Variants in KAT6B observed in about 807,000 individuals in gnomAD.
The protein encoded by KAT6B is histone acetyltransferase KAT6B.
A neutral mutation model predicts 187.5 loss-of-function variants in KAT6B; 10 were observed. The observed-to-expected ratio is 0.05, with a 90% CI of 0.03 to 0.09. The LOEUF (loss-of-function observed/expected upper bound fraction) is 0.09. Ranked by LOEUF, KAT6B falls within the 10% of genes least tolerant of loss-of-function variation. The pLI, the probability that KAT6B is intolerant of heterozygous loss-of-function variation, is 1.00. For missense variants in KAT6B, 1,952 were observed against 2,558.9 expected (o/e 0.76, Z 5.12); for synonymous variants, 861 against 926.8 (o/e 0.93, Z 1.29).
chr10:74,862,827 A>C (rs1843278261), intron 3 of KAT6B, among the ~76,000 whole-genome samples: 1 of 152,148 alleles, frequency 6.6e-6, no homozygotes, highest in African/African-American at 2.4e-5. Context: ...CCTCAGCCTC[A>C]ACAGAAAGGT....
At chr10:75,028,467 C>T (rs554385075) in intron 17 of KAT6B, 22 bp from the exon 18 acceptor site, 1 of 1,612,708 alleles carries the variant, frequency 6.2e-7, no homozygotes, top group South Asian at 1.1e-5. Flanking sequence ...TTTTTCCTTC[C>T]CGTTTTTGTC....
chr10:75,015,288 T>G (rs1381737216), intron 13 of KAT6B, among the ~76,000 whole-genome samples: 1 of 152,192 alleles, frequency 6.6e-6, no homozygotes, highest in Non-Finnish European at 1.5e-5. Context: ...ATTCAAAATT[T>G]CCGTCTTTGC....
chr10:74,889,395 C>T (rs911585015), intron 3 of KAT6B, among the ~76,000 whole-genome samples: 1 of 152,092 alleles, frequency 6.6e-6, no homozygotes, highest in South Asian at 2.1e-4. Flanking sequence ...GTTGATAGAG[C>T]GTTCAGCTTC....
At chr10:74,982,058 T>A in intron 11 of KAT6B, 130 bp downstream of exon 11, 2 of 777,656 alleles carry the variant, frequency 2.6e-6, no homozygotes, top group Non-Finnish European at 4.4e-6. Flanking sequence ...GACTGCCCTT[T>A]AAAACATCTC....
rs770545156 is a variant in KAT6B, at chr10:74,842,966, A to G, written c.109A>G (p.Ser37Gly). ...PSEERICHAV[S>G]TSHGLDKKTV... ...TGAAGAGAGAATCTGCCATGCGGTC[A>G]GTACTTCCCATGGGTTGGATAAGAA... is the stretch of plus-strand genomic sequence containing the variant. The change falls in exon 3 of 18, where the codon AGT (serine) becomes GGT (glycine). Residue 37 changes from serine to glycine, a missense_variant. By Grantham distance (56) the Ser-to-Gly change is moderately conservative. Coordinates refer to ENST00000287239, the MANE Select transcript of KAT6B (RefSeq NM_012330.4). The G allele has an allele frequency of 2.0e-5, 32 of 1,614,136 alleles. No individual in the cohort carries two copies. The highest frequency in any genetic ancestry group is 2.2e-5 in the Non-Finnish European group (26 of 1,180,052).
At chr10:74,830,521 A>G (rs1298628052) in intron 1 of KAT6B, among the ~76,000 whole-genome samples, 1 of 151,604 alleles carries the variant, frequency 6.6e-6, no homozygotes, top group Non-Finnish European at 1.5e-5. Context: ...GATGAATTGT[A>G]TGGTCACCTA....
At chr10:74,844,212 T>C (rs573467351) in intron 3 of KAT6B, among the ~76,000 whole-genome samples, 113 of 151,592 alleles carry the variant, frequency 7.5e-4, no homozygotes, top group Non-Finnish European at 7.5e-4. Context: ...ATGCTTTTTT[T>C]TTTGAGATGG....
intron 3 of KAT6B, among the ~76,000 whole-genome samples, chr10:74,901,733 A>C (rs1054277305): frequency 6.6e-6 from 1 of 152,134 alleles, no homozygotes; most frequent in Admixed American, 6.6e-5. Context: ...GGTTGGAGAG[A>C]TTCAGAGATT....
chr10:74,837,267 C>A (rs965752036), intron 1 of KAT6B, among the ~76,000 whole-genome samples: 1 of 151,758 alleles, frequency 6.6e-6, no homozygotes, highest in African/African-American at 2.4e-5. Flanking sequence ...ATTATAAGAC[C>A]GTATGATACA....
intron 3 of KAT6B, among the ~76,000 whole-genome samples, chr10:74,943,485 G>A (rs939085549): frequency 1.3e-5 from 2 of 152,072 alleles, no homozygotes; most frequent in African/African-American, 4.8e-5. Flanking sequence ...TGTGACAAAG[G>A]ATTTGAAATA....
At chr10:74,985,821 C>T (rs1433866562) in intron 12 of KAT6B, among the ~76,000 whole-genome samples, 1 of 152,016 alleles carries the variant, frequency 6.6e-6, no homozygotes, top group African/African-American at 2.4e-5. Flanking sequence ...CCGGGGTGGG[C>T]GGATCATGAG....
chr10:74,988,795 A>G (rs1842960964), intron 12 of KAT6B, among the ~76,000 whole-genome samples: 1 of 152,198 alleles, frequency 6.6e-6, no homozygotes, highest in Admixed American at 6.5e-5. Context: ...ATTTTATGGC[A>G]CTGACTTTCA....
At chr10:74,933,461 T>C (rs1393689216) in intron 3 of KAT6B, among the ~76,000 whole-genome samples, 1 of 152,260 alleles carries the variant, frequency 6.6e-6, no homozygotes, top group Admixed American at 6.5e-5. Flanking sequence ...AACTGCAAGA[T>C]AGATGTTCAG....
Position 74,977,244 on chromosome 10 carries a change from A to G in KAT6B, c.1994-72A>G. The G allele has an allele frequency of 3.8e-6, 6 of 1,567,856 alleles. No individual in the cohort carries two copies. The South Asian group carries it at 6.8e-5, about 18-fold the overall frequency. ...TTGCCCAGTATGCTAATTTGGTGCC[A>G]TTTTGGTAATATATGGTGGTTACTC... is the stretch of plus-strand genomic sequence containing the variant. On this transcript the variant is annotated intron_variant, in intron 8 of 17. Transcript: ENST00000287239.
In KAT6B at chr10:74,978,301, C is replaced by T. The variant is rs568125138; in HGVS notation, c.2115+864C>T. Among the ~76,000 whole-genome samples, 6 of 152,252 alleles carry T rather than the reference C, an allele frequency of 3.9e-5. No homozygotes were observed. The South Asian group carries it at 6.2e-4, about 16-fold the overall frequency. On this transcript the variant is annotated intron_variant, in intron 9 of 17. Coordinates refer to ENST00000287239, the MANE Select transcript of KAT6B (RefSeq NM_012330.4). ...TTTGGCTAAGATAAATGTCAGATTT[C>T]CCCCAGTTATTAAGGTTGGAAGTCC...
At chr10:74,969,962 T>G (rs1335462265) in intron 5 of KAT6B, 58 bp from the exon 6 acceptor site, 6 of 1,281,884 alleles carry the variant, frequency 4.7e-6, no homozygotes, top group Non-Finnish European at 5.7e-6. Context: ...ACAAAAGAAT[T>G]TTTGGCCTTT....
intron 3 of KAT6B, among the ~76,000 whole-genome samples, chr10:74,882,707 T>TAA (rs2132538390): frequency 6.6e-6 from 1 of 152,380 alleles, no homozygotes; most frequent in East Asian, 1.9e-4. Context: ...TTGCTTACCT[T>TAA]AAACAATTGT....
chr10:75,000,749 A>G (rs1297341204), intron 13 of KAT6B, among the ~76,000 whole-genome samples: 1 of 152,168 alleles, frequency 6.6e-6, no homozygotes, highest in African/African-American at 2.4e-5. Context: ...TTCAGTATTA[A>G]AATATTGGGC....
chr10:74,845,548 AAAG>A (rs1564517626), intron 3 of KAT6B, among the ~76,000 whole-genome samples: 1 of 150,852 alleles, frequency 6.6e-6, no homozygotes, highest in Non-Finnish European at 1.5e-5. Context: ...ACAAAAAAAA[AAAG>A]AAGGAAAGAA....
Sources: allele counts gnomAD v4.1 joint callset (sites outside exome capture counted in the v4.1 genomes callset), GRCh38; gene constraint gnomAD v4.1.1; transcripts MANE v1.5; gene names NCBI Gene and HGNC (gene_info 2026-07-23, HGNC 2026-07-21).